CEP120: variants seen among roughly 807,000 people sequenced by gnomAD.
CEP120 encodes the protein centrosomal protein 120.
Under a neutral mutation model 126.5 loss-of-function variants are expected in CEP120, and 113 were observed. That is an observed-to-expected ratio of 0.89 (90% confidence interval 0.77 to 1.04). The LOEUF is 1.04. Among genes scored for constraint, CEP120 ranks in the 50% least tolerant of loss-of-function variants. CEP120 has a pLI of 0.00. For synonymous variants in CEP120, 400 were observed against 394.3 expected, an observed-to-expected ratio of 1.01 and a Z score of -0.17; for missense variants, 1,230 against 1,155.7, an observed-to-expected ratio of 1.06 and a Z score of -0.93.
rs369010893 is a variant in CEP120 at position 123,385,094 on chromosome 5, C to T, written c.1620G>A (p.Met540Ile). The change falls in exon 11 of 20, where the codon ATG (methionine) becomes ATA (isoleucine). Residue 540 changes from methionine (M) to isoleucine (I), a missense_variant. Coordinates refer to ENST00000306467, the MANE Select transcript of CEP120 (RefSeq NM_001375405.1). Reference protein sequence around the residue: ...LLVELWHKDKMSKDLLLGIAR... With the variant: ...LLVELWHKDKISKDLLLGIAR... Reference sequence around the variant, plus strand: ...CAATTCCCAGAAGTAAATCTTTACTCATTTTATCCTTGTGCCATAGTTCAA... The same window carrying T: ...CAATTCCCAGAAGTAAATCTTTACTTATTTTATCCTTGTGCCATAGTTCAA... 6 of 1,613,502 alleles carry T rather than the reference C, an allele frequency of 3.7e-6. No individual in the cohort carries two copies. The East Asian group carries it at 1.1e-4, about 30-fold the overall frequency.
chr5:123,365,257 A>T (rs1248133007), intron 17 of CEP120, among the ~76,000 whole-genome samples: 1 of 151,692 alleles, frequency 6.6e-6, no homozygotes, highest in African/African-American at 2.4e-5. Flanking sequence ...TGATTCAATT[A>T]AAAAATATGA....
chr5:123,349,944 C>T lies in CEP120; in HGVS notation c.2726G>A (p.Arg909Lys). ...ELLDIRNELNRLRQQEQKQYQ... is the reference protein window; with the variant it reads ...ELLDIRNELNKLRQQEQKQYQ... ...AAAGAAACACTTTTAGTTATTATAC[C>T]TGTTCAATTCATTTCTTATATCCAA... Residue 909 changes from arginine (R) to lysine (K), a missense_variant and splice_region_variant, in exon 19 of 20, where the codon AGG becomes AAG. Physicochemically the swap from Arg to Lys is conservative, Grantham distance 26. Coordinates refer to ENST00000306467, the MANE Select transcript of CEP120 (RefSeq NM_001375405.1). 2 of 1,611,284 alleles carry T rather than the reference C, an allele frequency of 1.2e-6. No individual in the cohort carries two copies. Among genetic ancestry groups the T allele is most frequent in the Non-Finnish European group, 1.7e-6 (2 of 1,179,080 alleles).
rs772680941 is a variant in CEP120 at position 123,349,934 on chromosome 5, G to A, written c.2726+10C>T. ...TTGGCTTTTGAAAGAAACACTTTTA[G>A]TTATTATACCTGTTCAATTCATTTC... On this transcript the variant is annotated intron_variant, in intron 19 of 19. Coordinates refer to ENST00000306467, the MANE Select transcript of CEP120 (RefSeq NM_001375405.1). 2.5e-6 allele frequency: 4 copies of A among 1,606,610 alleles called. No homozygotes were observed. Among genetic ancestry groups the A allele is most frequent in the Admixed American group, 1.7e-5 (1 of 58,270 alleles).
chr5:123,391,211 G>A lies in CEP120; in HGVS notation c.937C>T (p.Pro313Ser). Reference protein sequence around the residue: ...VTVEGAFTLDPPNRAKQKLAP... With the variant: ...VTVEGAFTLDSPNRAKQKLAP... Reference sequence around the variant, plus strand: ...AGCTTCTGTTTGGCTCTGTTTGGAGGGTCAAGGGTAAAAGCACCTTCGACT... The same window carrying A: ...AGCTTCTGTTTGGCTCTGTTTGGAGAGTCAAGGGTAAAAGCACCTTCGACT... The change falls in exon 7 of 20, where the codon CCT becomes TCT. Residue 313 changes from proline to serine, a missense_variant. Transcript: ENST00000306467. 6.2e-7 allele frequency: 1 copy of A among 1,614,102 alleles called. No individual in the cohort carries two copies. Among genetic ancestry groups the A allele is most frequent in the African/African-American group, 1.3e-5 (1 of 75,002 alleles).
At chr5:123,354,434 C>G (rs138167429) in intron 18 of CEP120, among the ~76,000 whole-genome samples, 88 of 152,204 alleles carry the variant, frequency 5.8e-4, no homozygotes, top group Admixed American at 2.6e-3. Flanking sequence ...CCCAAATCTT[C>G]TACATTATTA....
At chr5:123,358,140 C>T (rs1769780769) in intron 18 of CEP120, 1 of 152,006 alleles carries the variant, frequency 6.6e-6, no homozygotes, top group Non-Finnish European at 1.5e-5. Context: ...AGGTTCAAAA[C>T]ATACAAAACT....
At chr5:123,378,494 A>G in intron 14 of CEP120, 66 bp from the exon 15 acceptor site, 2 of 878,432 alleles carry the variant, frequency 2.3e-6, no homozygotes, top group South Asian at 2.0e-5. Context: ...AACACACACA[A>G]ATTCAAAAAT....
In CEP120 at chr5:123,423,350, CCG is replaced by C; in HGVS notation, c.-354_-353del. 1 of 345,522 alleles carries C rather than the reference CCG, an allele frequency of 2.9e-6. No individual in the cohort carries two copies. The highest frequency in any genetic ancestry group is 5.3e-6 in the Non-Finnish European group (1 of 187,118). The allele number at this position is 345,522 out of a possible 1,614,324, so 21.4% of individuals were successfully genotyped here. A position where few individuals can be genotyped will look rare whatever the true frequency, so the allele number is the denominator to read the frequency against. On this transcript the variant is annotated 5_prime_UTR_variant, in exon 1 of 20. Transcript: ENST00000306467. ...CAGCGGCCGCCGCCGCGCCCAGCTT[CCG>C]CCTAGCAACCAGGCCCGCAGGCCCA...
intron 5 of CEP120, among the ~76,000 whole-genome samples, chr5:123,397,761 T>C (rs1484612251): frequency 2.0e-5 from 3 of 152,174 alleles, no homozygotes; most frequent in African/African-American, 7.2e-5. Flanking sequence ...TTTGTGAATG[T>C]GGATTACGTG....
At chr5:123,418,550 G>T in intron 1 of CEP120, 35 bp from the exon 2 acceptor site, 3 of 1,490,738 alleles carry the variant, frequency 2.0e-6, no homozygotes, top group Non-Finnish European at 2.7e-6. Context: ...AATCAAAAGT[G>T]TACAAAAATC....
At chr5:123,373,477 C>T (rs1360715834) in intron 16 of CEP120, among the ~76,000 whole-genome samples, 1 of 151,996 alleles carries the variant, frequency 6.6e-6, no homozygotes, top group Non-Finnish European at 1.5e-5. Flanking sequence ...AGAGCAATTG[C>T]CCAGTGTCCA....
Position 123,386,676 on chromosome 5 carries a change from TAAAAA to T in CEP120, c.1431-14_1431-10del, listed in dbSNP as rs75744800. 2.5e-4 allele frequency: 155 copies of T among 610,696 alleles called. No homozygotes were observed. Among genetic ancestry groups the T allele is most frequent in the South Asian group, 7.0e-4 (13 of 18,630 alleles). 37.8% of individuals were successfully genotyped at this position (610,696 alleles called of 1,614,324 possible). ...AGAATGGATATGAGTACCTAGAATT[TAAAAA>T]AAAAAAAAAAAAAAAAAGCCTTAAT... On this transcript the variant is annotated splice_polypyrimidine_tract_variant and intron_variant, in intron 9 of 19. Transcript: ENST00000306467.
intron 1 of CEP120, chr5:123,422,506 G>A: frequency 2.0e-6 from 3 of 1,535,412 alleles, no homozygotes; most frequent in Non-Finnish European, 2.6e-6. Context: ...AAGAACTGTA[G>A]TCCCCTGAGT....
intron 17 of CEP120, among the ~76,000 whole-genome samples, chr5:123,367,428 A>G (rs1770544190): frequency 6.6e-6 from 1 of 151,834 alleles, no homozygotes; most frequent in Non-Finnish European, 1.5e-5. Context: ...GTATGTATGT[A>G]TATATATCCC....
chr5:123,421,264 C>G (rs190264218), intron 1 of CEP120, among the ~76,000 whole-genome samples: 1 of 152,306 alleles, frequency 6.6e-6, no homozygotes, highest in African/African-American at 2.4e-5. Flanking sequence ...TCTTGCTGAT[C>G]TTTTCAATGT....
In CEP120 at chr5:123,377,694, T is replaced by G. The variant is rs182389007; in HGVS notation, c.2197-159A>C. Among the ~76,000 whole-genome samples, 4 of 152,280 alleles carry G rather than the reference T, an allele frequency of 2.6e-5. No homozygotes were observed. The South Asian group carries it at 8.3e-4, about 32-fold the overall frequency. On this transcript the variant is annotated intron_variant, in intron 15 of 19. Transcript: ENST00000306467. ...AGAGAGTTAATGTTCAAGTGTACCA[T>G]TATAAGTTTTCAATCATTGTTTAAT... is the stretch of plus-strand genomic sequence containing the variant.
rs112918946 is a variant in CEP120 at position 123,386,922 on chromosome 5, C to T, written c.1431-255G>A. On this transcript the variant is annotated intron_variant, in intron 9 of 19. Coordinates refer to ENST00000306467, the MANE Select transcript of CEP120 (RefSeq NM_001375405.1). Reference sequence around the variant, plus strand: ...ATATATAAATATTCAAGAAATGCTTCCTAAATTTATTTGTAAACCTGGTTT... The same window carrying T: ...ATATATAAATATTCAAGAAATGCTTTCTAAATTTATTTGTAAACCTGGTTT... Among the ~76,000 whole-genome samples the T allele has an allele frequency of 2.7e-3, 410 of 152,146 alleles. 3 individuals are homozygous for T. Among genetic ancestry groups the T allele is most frequent in the African/African-American group, 9.5e-3 (396 of 41,522 alleles).
chr5:123,368,658 G>C (rs750844678), intron 17 of CEP120, among the ~76,000 whole-genome samples: 41 of 151,962 alleles, frequency 2.7e-4, no homozygotes, highest in Non-Finnish European at 4.3e-4. Context: ...GCTGAGTTTA[G>C]TTTTGGACAT....
Position 123,391,319 on chromosome 5 carries a change from C to G in CEP120, c.829G>C (p.Asp277His). The G allele has an allele frequency of 6.2e-7, 1 of 1,613,652 alleles. No homozygotes were observed. Among genetic ancestry groups the G allele is most frequent in the African/African-American group, 1.3e-5 (1 of 75,008 alleles). ...ATTTCTGTACTTCCAAGTGACTGGT[C>G]TCCACAGCAGAGGTGAATCTAATAT... ...SKLQIHLCCG[D>H]QSLGSTEIPL... Residue 277 changes from aspartate to histidine, a missense_variant, in exon 7 of 20, where the codon GAC becomes CAC. Transcript: ENST00000306467.
Sources: gnomAD v4.1 joint callset for allele counts (sites outside exome capture counted in the v4.1 genomes callset) on GRCh38, gnomAD v4.1.1 for gene constraint, MANE v1.5 for transcripts, NCBI Gene and HGNC (gene_info 2026-07-23, HGNC 2026-07-21) for gene names.